Variants in TBC1D5 observed in about 807,000 individuals in gnomAD.
TBC1D5 encodes the protein TBC1 domain family, member 5.
A neutral mutation model predicts 100.3 loss-of-function variants in TBC1D5; 75 were observed. The observed-to-expected ratio is 0.75, with a 90% CI of 0.62 to 0.91. The LOEUF (loss-of-function observed/expected upper bound fraction) is 0.91, where lower values mean the gene tolerates loss of function less well. Among genes scored for constraint, TBC1D5 ranks in the 40% least tolerant of loss-of-function variants. The pLI is 0.00. For synonymous variants in TBC1D5, 323 were observed against 325.6 expected (o/e 0.99, Z 0.09); for missense variants, 910 against 942.4 (o/e 0.97, Z 0.45).
At chr3:17,362,216 T>C (rs1575526439) in intron 13 of TBC1D5, among the ~76,000 whole-genome samples, 1 of 152,300 alleles carries the variant, frequency 6.6e-6, no homozygotes, top group Non-Finnish European at 1.5e-5. Context: ...ATGACTTGGA[T>C]TGGGCAGAGT....
At chr3:17,367,626 G>A (rs748560723) in intron 13 of TBC1D5, among the ~76,000 whole-genome samples, 4 of 151,938 alleles carry the variant, frequency 2.6e-5, no homozygotes, top group East Asian at 1.9e-4. Flanking sequence ...TGGGAAGCCC[G>A]GGCGGGCAGA....
At chr3:17,607,317 G>A (rs1489069379) in intron 2 of TBC1D5, among the ~76,000 whole-genome samples, 1 of 152,010 alleles carries the variant, frequency 6.6e-6, no homozygotes, top group East Asian at 1.9e-4. Flanking sequence ...GAATAAAATT[G>A]GAATAAAATC....
chr3:17,307,942 T>G (rs755759468), intron 14 of TBC1D5, 50 bp downstream of exon 14: 2 of 1,569,648 alleles, frequency 1.3e-6, no homozygotes, highest in Non-Finnish European at 1.7e-6. Flanking sequence ...AAAACATTTT[T>G]GAAAATCAGG....
chr3:17,683,507 GATGACTAAATGTTATA>G, intron 1 of TBC1D5, among the ~76,000 whole-genome samples: 1 of 146,504 alleles, frequency 6.8e-6, no homozygotes, highest in African/African-American at 2.8e-5. Context: ...GTTTAAGAAA[GATGACTAAATGTTATA>G]CAAAACGAAT....
At chr3:17,228,206 C>T (rs1181820008) in intron 17 of TBC1D5, among the ~76,000 whole-genome samples, 2 of 152,100 alleles carry the variant, frequency 1.3e-5, no homozygotes, top group Non-Finnish European at 2.9e-5. Flanking sequence ...ATTCCCCAAG[C>T]CACTATCTGG....
chr3:17,644,658 CAG>C (rs1267914233), intron 1 of TBC1D5, among the ~76,000 whole-genome samples: 1 of 152,082 alleles, frequency 6.6e-6, no homozygotes, highest in African/African-American at 2.4e-5. Flanking sequence ...TAAAATGACT[CAG>C]AATCTAATCT....
At chr3:17,407,766 C>T (rs2152458035) in intron 4 of TBC1D5, among the ~76,000 whole-genome samples, 1 of 152,266 alleles carries the variant, frequency 6.6e-6, no homozygotes, top group Non-Finnish European at 1.5e-5. Context: ...CGTTGTGATC[C>T]TCAAACACAA....
At chr3:17,171,597 G>A (rs1425805380) in intron 19 of TBC1D5, among the ~76,000 whole-genome samples, 1 of 151,912 alleles carries the variant, frequency 6.6e-6, no homozygotes, top group African/African-American at 2.4e-5. Flanking sequence ...TTATCACACG[G>A]CATTCTCCCT....
intron 2 of TBC1D5, among the ~76,000 whole-genome samples, chr3:17,615,075 TGA>T (rs2153631943): frequency 6.6e-6 from 1 of 152,304 alleles, no homozygotes; most frequent in Non-Finnish European, 1.5e-5. Flanking sequence ...CCTAGTTTAT[TGA>T]GAGTTTTTAG....
intron 2 of TBC1D5, among the ~76,000 whole-genome samples, chr3:17,530,470 T>C (rs2096206946): frequency 6.6e-6 from 1 of 152,150 alleles, no homozygotes; most frequent in African/African-American, 2.4e-5. Flanking sequence ...ACAATATTTT[T>C]AAAGGAGTAA....
intron 2 of TBC1D5, among the ~76,000 whole-genome samples, chr3:17,556,311 C>T (rs1030029319): frequency 1.3e-5 from 2 of 152,212 alleles, no homozygotes; most frequent in East Asian, 1.9e-4. Flanking sequence ...AGCCACCGTG[C>T]TTAGCCTAGT....
intron 1 of TBC1D5, among the ~76,000 whole-genome samples, chr3:17,714,370 T>C (rs746038067): frequency 2.6e-5 from 4 of 152,126 alleles, no homozygotes; most frequent in Admixed American, 6.5e-5. Flanking sequence ...AGAGGGGAAT[T>C]TGGAAGACAG....
intron 13 of TBC1D5, chr3:17,340,651 T>C (rs2088735172): frequency 6.6e-6 from 1 of 152,204 alleles, no homozygotes; most frequent in Non-Finnish European, 1.5e-5. Context: ...GGAAACTGAC[T>C]TACAAGTGTT....
chr3:17,458,815 A>G (rs1341451408), intron 3 of TBC1D5, among the ~76,000 whole-genome samples: 13 of 152,218 alleles, frequency 8.5e-5, no homozygotes, highest in Admixed American at 8.5e-4. Flanking sequence ...AACTACTTAT[A>G]TTTAACTCTA....
intron 1 of TBC1D5, among the ~76,000 whole-genome samples, chr3:17,645,523 G>C (rs2064940020): frequency 6.6e-6 from 1 of 152,086 alleles, no homozygotes; most frequent in Non-Finnish European, 1.5e-5. Context: ...TTGACATTTA[G>C]AGTAAAGGAA....
intron 1 of TBC1D5, among the ~76,000 whole-genome samples, chr3:17,688,551 G>A (rs2070659819): frequency 6.6e-6 from 1 of 152,178 alleles, no homozygotes; most frequent in Non-Finnish European, 1.5e-5. Flanking sequence ...ACAATGGCAT[G>A]GAGCATCTAC....
intron 3 of TBC1D5, among the ~76,000 whole-genome samples, chr3:17,494,637 G>T (rs1050265755): frequency 2.0e-5 from 3 of 152,170 alleles, no homozygotes; most frequent in African/African-American, 7.2e-5. Context: ...GGGTAGCTCC[G>T]CAGGGAAAGC....
intron 2 of TBC1D5, among the ~76,000 whole-genome samples, chr3:17,537,331 A>C (rs2096292275): frequency 6.6e-6 from 1 of 152,138 alleles, no homozygotes; most frequent in Admixed American, 6.5e-5. Flanking sequence ...TTTGTATCTT[A>C]TTGCCATAAA....
intron 2 of TBC1D5, among the ~76,000 whole-genome samples, chr3:17,570,152 T>C (rs1253749238): frequency 6.6e-6 from 1 of 152,006 alleles, no homozygotes; most frequent in Non-Finnish European, 1.5e-5. Flanking sequence ...GACCTTACCT[T>C]ATCCCAAGTT....
Sources: gnomAD v4.1 joint callset for allele counts (sites outside exome capture counted in the v4.1 genomes callset) on GRCh38, gnomAD v4.1.1 for gene constraint, MANE v1.5 for transcripts, NCBI Gene and HGNC (gene_info 2026-07-23, HGNC 2026-07-21) for gene names.